CBLB: variants seen among roughly 807,000 people sequenced by gnomAD.
CBLB encodes Cbl proto-oncogene B.
CBLB carries 31 observed loss-of-function variants against 104.9 expected under a neutral mutation model. The observed-to-expected ratio is 0.30, with a 90% CI of 0.22 to 0.40. The LOEUF is 0.40. Among genes scored for constraint, CBLB ranks in the 10% least tolerant of loss-of-function variants. CBLB has a pLI of 1.00. For missense variants in CBLB, 1,062 were observed against 1,214.6 expected (o/e 0.87, Z 1.87); for synonymous variants, 440 against 422.6 (o/e 1.04, Z -0.51).
intron 10 of CBLB, among the ~76,000 whole-genome samples, chr3:105,710,851 T>A (rs1469344303): frequency 7.9e-5 from 12 of 151,940 alleles, no homozygotes; most frequent in Non-Finnish European, 1.8e-4. Context: ...GAATCCTTTA[T>A]AACTACCACG....
intron 3 of CBLB, among the ~76,000 whole-genome samples, chr3:105,852,538 AG>A (rs1447810858): frequency 6.6e-6 from 1 of 152,222 alleles, no homozygotes; most frequent in Admixed American, 6.5e-5. Flanking sequence ...TAAATGTGAC[AG>A]TAGGCTGTTC....
At chr3:105,730,225 A>G (rs573822552) in intron 9 of CBLB, among the ~76,000 whole-genome samples, 3 of 152,054 alleles carry the variant, frequency 2.0e-5, no homozygotes, top group Non-Finnish European at 2.9e-5. Flanking sequence ...GTAAAATAAC[A>G]TGGTTCAAGA....
chr3:105,695,584 T>C (rs1310984122), intron 12 of CBLB, among the ~76,000 whole-genome samples: 1 of 151,872 alleles, frequency 6.6e-6, no homozygotes, highest in Non-Finnish European at 1.5e-5. Flanking sequence ...AAGTGACTTA[T>C]TCCTAATTTT....
At chr3:105,747,301 T>A (rs1442679140) in intron 5 of CBLB, among the ~76,000 whole-genome samples, 1 of 152,226 alleles carries the variant, frequency 6.6e-6, no homozygotes, top group Non-Finnish European at 1.5e-5. Flanking sequence ...GTTAAAGCTG[T>A]TAAAGCAGTC....
intron 4 of CBLB, among the ~76,000 whole-genome samples, chr3:105,765,367 T>C (rs1307036182): frequency 6.6e-6 from 1 of 152,174 alleles, no homozygotes; most frequent in Non-Finnish European, 1.5e-5. Flanking sequence ...CCCTGATAGT[T>C]GCTCACTCTT....
intron 2 of CBLB, among the ~76,000 whole-genome samples, chr3:105,867,197 C>T (rs966871499): frequency 1.3e-5 from 2 of 152,092 alleles, no homozygotes. Flanking sequence ...GAACTCTGAA[C>T]CTTAAAGAGT....
intron 2 of CBLB, among the ~76,000 whole-genome samples, chr3:105,860,542 GTTC>G (rs371982580): frequency 1.3e-5 from 2 of 152,270 alleles, no homozygotes; most frequent in African/African-American, 4.8e-5. Context: ...CTTGGGCAGG[GTTC>G]TTCTTCGGGA....
chr3:105,669,566 T>C (rs565762307), intron 18 of CBLB, among the ~76,000 whole-genome samples: 2 of 152,308 alleles, frequency 1.3e-5, no homozygotes, highest in Admixed American at 6.5e-5. Context: ...AAAGTGTTAA[T>C]ACTTTAGCAG....
At chr3:105,665,616 T>C (rs978507412) in intron 18 of CBLB, among the ~76,000 whole-genome samples, 16 of 147,612 alleles carry the variant, frequency 1.1e-4, no homozygotes, top group Non-Finnish European at 3.0e-5. Context: ...TATATAAATG[T>C]ATAATTATAA....
At position 105,808,332 on chromosome 3, in the gene CBLB, C is replaced by T. The variant is rs183540621; in HGVS notation, c.420-31790G>A. Among the ~76,000 whole-genome samples the T allele has an allele frequency of 1.7e-3, 252 of 152,218 alleles. 1 individual carries two copies. Among genetic ancestry groups the T allele is most frequent in the African/African-American group, 4.4e-3 (184 of 41,540 alleles). ...TAAAAGATCTTTAAACTATTCCTGT[C>T]CCACATCTTTAGTAATATGTGTTTC... On this transcript the variant is annotated intron_variant, in intron 3 of 18. Coordinates refer to ENST00000394030, the MANE Select transcript of CBLB (RefSeq NM_170662.5).
intron 17 of CBLB, chr3:105,673,939 A>C (rs1177562815): frequency 6.6e-6 from 1 of 152,154 alleles, no homozygotes; most frequent in Non-Finnish European, 1.5e-5. Context: ...TTACTTTATC[A>C]TCCTGGTTGC....
chr3:105,676,213 C>T lies in CBLB; in HGVS notation c.2569+2218G>A, dbSNP rs192817958. Among the ~76,000 whole-genome samples the T allele has an allele frequency of 1.4e-4, 22 of 151,734 alleles. No homozygotes were observed. In the East Asian group the frequency reaches 2.1e-3, roughly 15 times the overall value. On this transcript the variant is annotated intron_variant, in intron 17 of 18. Transcript: ENST00000394030. Reference sequence around the variant, plus strand: ...AGGCAAATCTATAAAATAAATACAACGGTTTATAAAAATTGCATTTTAGCT... The same window carrying T: ...AGGCAAATCTATAAAATAAATACAATGGTTTATAAAAATTGCATTTTAGCT...
chr3:105,792,501 T>C (rs1229215010), intron 3 of CBLB, among the ~76,000 whole-genome samples: 1 of 152,198 alleles, frequency 6.6e-6, no homozygotes, highest in African/African-American at 2.4e-5. Flanking sequence ...ACTCATCCCC[T>C]AGTCTTTGAC....
chr3:105,678,622 T>C, intron 16 of CBLB, 51 bp from the exon 17 acceptor site: 1 of 1,550,638 alleles, frequency 6.4e-7, no homozygotes, highest in African/African-American at 1.4e-5. Context: ...TTAATCAAAA[T>C]ACACAGCATC....
At chr3:105,818,307 T>C (rs1028971399) in intron 3 of CBLB, among the ~76,000 whole-genome samples, 3 of 152,114 alleles carry the variant, frequency 2.0e-5, no homozygotes, top group African/African-American at 7.2e-5. Context: ...CCAATTGACA[T>C]TTATGGAGAT....
At chr3:105,694,950 T>G (rs180768995) in intron 12 of CBLB, among the ~76,000 whole-genome samples, 1 of 151,934 alleles carries the variant, frequency 6.6e-6, no homozygotes, top group East Asian at 1.9e-4. Flanking sequence ...ATTTTGAAGT[T>G]TAATAAAATC....
intron 4 of CBLB, among the ~76,000 whole-genome samples, chr3:105,758,494 C>T (rs995501814): frequency 1.3e-5 from 2 of 152,210 alleles, no homozygotes; most frequent in African/African-American, 4.8e-5. Flanking sequence ...TGATTGGTTG[C>T]GCCATTACCC....
At chr3:105,759,383 G>A (rs1013085161) in intron 4 of CBLB, among the ~76,000 whole-genome samples, 3 of 152,162 alleles carry the variant, frequency 2.0e-5, no homozygotes, top group African/African-American at 7.2e-5. Flanking sequence ...GCTGTAGGCT[G>A]TCCCTGTCTT....
At chr3:105,836,113 A>T (rs1167771618) in intron 3 of CBLB, among the ~76,000 whole-genome samples, 1 of 152,164 alleles carries the variant, frequency 6.6e-6, no homozygotes, top group Admixed American at 6.5e-5. Context: ...TAATCTCTTG[A>T]TAAAGATGTG....
Sources: gnomAD v4.1 joint callset for allele counts (sites outside exome capture counted in the v4.1 genomes callset) on GRCh38, gnomAD v4.1.1 for gene constraint, MANE v1.5 for transcripts, NCBI Gene and HGNC (gene_info 2026-07-23, HGNC 2026-07-21) for gene names.